Variants in DMD observed in about 807,000 individuals in gnomAD.
The protein encoded by DMD is dystrophin, also known as mutant dystrophin.
A neutral mutation model predicts 330.1 loss-of-function variants in DMD; 63 were observed. The ratio of observed to expected loss-of-function variants is 0.19; its 90% CI spans 0.16 to 0.24. The LOEUF is 0.24. Among genes scored for constraint, DMD ranks in the 10% least tolerant of loss-of-function variants. DMD has a pLI of 1.00. For missense variants in DMD, 3,344 were observed against 2,684.1 expected, an observed-to-expected ratio of 1.25 and a Z score of -5.43; for synonymous variants, 1,223 against 959.8, an observed-to-expected ratio of 1.27 and a Z score of -5.07.
intron 26 of DMD, among the ~76,000 whole-genome samples, chrX:32,452,292 G>C (rs997662614): frequency 2.7e-5 from 1 of 37,223 alleles, no homozygotes; most frequent in Non-Finnish European, 4.9e-5. Flanking sequence ...AGAAAGGAAA[G>C]GAAAAGGAAA....
intron 59 of DMD, among the ~76,000 whole-genome samples, chrX:31,462,342 T>C (rs1184948350): frequency 2.7e-5 from 3 of 110,971 alleles, no homozygotes; most frequent in Non-Finnish European, 5.7e-5. Context: ...TAGCCAGGCG[T>C]GGCGGTGCAT....
intron 1 of DMD, among the ~76,000 whole-genome samples, chrX:33,306,347 T>C (rs1426388035): frequency 8.9e-6 from 1 of 111,961 alleles, no homozygotes; most frequent in Non-Finnish European, 1.9e-5. Context: ...GAAGAAGATG[T>C]GGTTCCTGAT....
In DMD at chrX:31,348,959, A is replaced by C. The variant is rs191221144; in HGVS notation, c.9085-325T>G. On this transcript the variant is annotated intron_variant, in intron 60 of 78. Coordinates refer to ENST00000357033, the MANE Select transcript of DMD (RefSeq NM_004006.3). ...TAAAAAAATACAAATCTTTACTTTC[A>C]CAAAAACATTAGGGAGGGTGACATT... is the stretch of plus-strand genomic sequence containing the variant. Among the ~76,000 whole-genome samples the C allele has an allele frequency of 1.6e-4, 18 of 112,115 alleles. No homozygotes were observed. In the East Asian group the frequency reaches 4.2e-3, roughly 26 times the overall value.
chrX:32,424,108 A>G (rs968351759), intron 29 of DMD, among the ~76,000 whole-genome samples: 3 of 111,034 alleles, frequency 2.7e-5, no homozygotes, highest in African/African-American at 6.5e-5. Flanking sequence ...TTCAATTAAT[A>G]TTATTATGAG....
At chrX:32,915,146 T>TG (rs11452739) in intron 2 of DMD, among the ~76,000 whole-genome samples, 26,360 of 110,821 alleles carry the variant, frequency 0.24, 2,691 homozygotes, top group Non-Finnish European at 0.32. Context: ...ATCCCAAAGT[T>TG]GGGGGGACAT....
chrX:31,448,034 G>C (rs956746365), intron 59 of DMD, among the ~76,000 whole-genome samples: 2 of 90,319 alleles, frequency 2.2e-5, no homozygotes, highest in Non-Finnish European at 4.4e-5. Context: ...AAAAAAAAAA[G>C]AAAAAATGCC....
intron 44 of DMD, among the ~76,000 whole-genome samples, chrX:32,150,910 C>T (rs1471330589): frequency 9.0e-6 from 1 of 110,852 alleles, no homozygotes; most frequent in Non-Finnish European, 1.9e-5. Context: ...TGCTGCTACT[C>T]CTCACTCTTG....
At chrX:32,429,822 C>T (rs1197541430) in intron 29 of DMD, among the ~76,000 whole-genome samples, 3 of 110,393 alleles carry the variant, frequency 2.7e-5, no homozygotes, top group Non-Finnish European at 5.7e-5. Context: ...TATTTTAGAT[C>T]AACATTATTT....
At chrX:31,845,921 C>T (rs958489416) in intron 48 of DMD, among the ~76,000 whole-genome samples, 3 of 111,280 alleles carry the variant, frequency 2.7e-5, no homozygotes, top group Admixed American at 9.6e-5. Context: ...GCTAAGAATA[C>T]AGGTTTGGAG....
intron 47 of DMD, among the ~76,000 whole-genome samples, chrX:31,891,657 G>A (rs1005762218): frequency 8.9e-6 from 1 of 112,013 alleles, no homozygotes; most frequent in Non-Finnish European, 1.9e-5. Context: ...GTGTAGTTAC[G>A]TATTAGGGCT....
chrX:32,892,169 C>T (rs1363902233), intron 2 of DMD, among the ~76,000 whole-genome samples: 2 of 112,068 alleles, frequency 1.8e-5, no homozygotes, highest in Non-Finnish European at 3.8e-5. Flanking sequence ...GATCTGGCCT[C>T]GGCTTTCCCT....
chrX:33,180,047 G>C (rs2049907028), intron 1 of DMD, among the ~76,000 whole-genome samples: 1 of 110,572 alleles, frequency 9.0e-6, no homozygotes, highest in Admixed American at 9.7e-5. Context: ...TGTTGGTCAG[G>C]CTGGTCTCAA....
chrX:31,230,219 C>T (rs907197745), intron 63 of DMD, among the ~76,000 whole-genome samples: 5 of 112,177 alleles, frequency 4.5e-5, no homozygotes, highest in Non-Finnish European at 1.9e-5. Flanking sequence ...CACAGATAAA[C>T]AGGAATTATG....
chrX:32,875,372 C>T (rs1398825177), intron 2 of DMD, among the ~76,000 whole-genome samples: 2 of 112,009 alleles, frequency 1.8e-5, no homozygotes, highest in Non-Finnish European at 3.8e-5. Flanking sequence ...CCAGCCTACA[C>T]TGCTATAACC....
intron 48 of DMD, among the ~76,000 whole-genome samples, chrX:31,842,058 G>A (rs763851923): frequency 1.3e-4 from 14 of 111,881 alleles, no homozygotes; most frequent in Non-Finnish European, 2.1e-4. Context: ...CACCATTCCA[G>A]ATGCCATTAA....
chrX:32,258,949 A>G, intron 43 of DMD, among the ~76,000 whole-genome samples: 1 of 111,624 alleles, frequency 9.0e-6, no homozygotes, highest in Non-Finnish European at 1.9e-5. Flanking sequence ...AGCCAAAATA[A>G]TTCAATGAAA....
At chrX:33,310,327 G>A in intron 1 of DMD, among the ~76,000 whole-genome samples, 1 of 110,892 alleles carries the variant, frequency 9.0e-6, no homozygotes, top group East Asian at 2.8e-4. Flanking sequence ...TATTATAAAA[G>A]ACTAAATATT....
At chrX:33,106,808 T>C (rs1167801334) in intron 1 of DMD, among the ~76,000 whole-genome samples, 1 of 111,575 alleles carries the variant, frequency 9.0e-6, no homozygotes, top group Non-Finnish European at 1.9e-5. Context: ...AATTATCAAG[T>C]TACTTGAGGC....
intron 63 of DMD, among the ~76,000 whole-genome samples, chrX:31,250,808 G>A (rs756796519): frequency 1.8e-5 from 2 of 111,337 alleles, no homozygotes; most frequent in South Asian, 3.8e-4. Flanking sequence ...CCGCGGCTGG[G>A]TGCAGTGGTT....
Sources: allele counts gnomAD v4.1 joint callset (sites outside exome capture counted in the v4.1 genomes callset), GRCh38; gene constraint gnomAD v4.1.1; transcripts MANE v1.5; gene names NCBI Gene and HGNC (gene_info 2026-07-23, HGNC 2026-07-21).